Variants in WDR35 observed in about 807,000 individuals in gnomAD.
WDR35 encodes the protein WD repeat domain 35, also known as WD repeat-containing protein 35.
In WDR35, 118 loss-of-function variants were observed where a neutral mutation model predicts 158.3. The observed-to-expected ratio is 0.75, with a 90% CI of 0.64 to 0.87. The LOEUF is 0.87. Among genes scored for constraint, WDR35 ranks in the 40% least tolerant of loss-of-function variants. The pLI, the probability that WDR35 is intolerant of heterozygous loss-of-function variation, is 0.00. For missense variants in WDR35, 1,263 were observed against 1,405.8 expected, an observed-to-expected ratio of 0.90 and a Z score of 1.62; for synonymous variants, 448 against 476.1, an observed-to-expected ratio of 0.94 and a Z score of 0.77.
intron 8 of WDR35, 128 bp downstream of exon 8, chr2:19,973,435 C>T (rs1474888964): frequency 2.9e-6 from 3 of 1,017,022 alleles, no homozygotes; most frequent in Non-Finnish European, 4.3e-6. Context: ...AAGATTTATA[C>T]TATGAAGATG....
Position 19,936,266 on chromosome 2 carries a change from T to C in WDR35, c.2367A>G (p.Glu789=). ...AGTCTCCAATGGCATTGTTGGCTTG[T>C]TCCAGGAGACTGTCATCTGCATCAC... ...GSGDADDSLL[E]QANNAIGDYF... The change falls in exon 20 of 27, where the codon GAA becomes GAG. Residue 789 remains glutamate (E), a synonymous_variant. Transcript: ENST00000281405. 2 of 1,614,062 alleles carry C rather than the reference T, an allele frequency of 1.2e-6. No individual in the cohort carries two copies. The highest frequency in any genetic ancestry group is 1.7e-6 in the Non-Finnish European group (2 of 1,179,940).
In WDR35 at chr2:19,911,673, T is replaced by C. The variant is rs1669839609; in HGVS notation, c.*1885A>G. ...CTTATTAGGCAAAGTTAATAGAGCG[T>C]GTATGTGTGACCACAGATAGAAAGG... is the stretch of plus-strand genomic sequence containing the variant. On this transcript the variant is annotated 3_prime_UTR_variant, in exon 27 of 27. Transcript: ENST00000281405. 6.6e-6 allele frequency: 1 copy of C among 152,216 alleles called. No individual in the cohort carries two copies. Among genetic ancestry groups the C allele is most frequent in the Admixed American group, 6.5e-5 (1 of 15,276 alleles). 9.4% of individuals were successfully genotyped at this position (152,216 alleles called of 1,614,324 possible).
rs752908881 is a variant in WDR35 at position 19,974,489 on chromosome 2, T to C, written c.715A>G (p.Met239Val). 3 of 1,610,494 alleles carry C rather than the reference T, an allele frequency of 1.9e-6. No homozygotes were observed. The highest frequency in any genetic ancestry group is 1.7e-4 in the Middle Eastern group (1 of 6,038). The change falls in exon 7 of 27, where the codon ATG (methionine) becomes GTG (valine). Residue 239 changes from methionine to valine, a missense_variant. Coordinates refer to ENST00000281405, the MANE Select transcript of WDR35 (RefSeq NM_020779.4). ...TTACTTTGGTCATTCTCATGTCTCA[T>C]TATTTGGCATCTTCCATTATCAAAG... ...VCFDNGRCQIMRHENDQNPVL... is the reference protein window; with the variant it reads ...VCFDNGRCQIVRHENDQNPVL...
intron 2 of WDR35, among the ~76,000 whole-genome samples, chr2:19,988,282 A>G (rs1672634411): frequency 6.6e-6 from 1 of 152,208 alleles, no homozygotes; most frequent in African/African-American, 2.4e-5. Context: ...TTTATTATTC[A>G]TACCGCATTC....
Position 19,934,123 on chromosome 2 carries a change from AT to A in WDR35, c.2548-613del, listed in dbSNP as rs935668245. On this transcript the variant is annotated intron_variant, in intron 21 of 26. Coordinates refer to ENST00000281405, the MANE Select transcript of WDR35 (RefSeq NM_020779.4). The surrounding 1 kb of genome is among the most constrained non-coding windows in gnomAD (Gnocchi z 4.6). ...CTGCACTGGCCATTTTCAGAACATC[AT>A]TTTTTTTCTTTCAGAATATCTAATT... 1.6e-4 allele frequency among the ~76,000 whole-genome samples: 23 copies of A among 147,290 alleles called. No homozygotes were observed. Among genetic ancestry groups the A allele is most frequent in the Non-Finnish European group, 1.2e-4 (8 of 66,992 alleles).
intron 9 of WDR35, among the ~76,000 whole-genome samples, chr2:19,968,739 T>G (rs1671936809): frequency 1.3e-5 from 2 of 152,228 alleles, no homozygotes; most frequent in South Asian, 4.1e-4. Context: ...ATATAAGATT[T>G]TTATAACAAA....
At chr2:19,977,260 C>G (rs1672246536) in intron 5 of WDR35, among the ~76,000 whole-genome samples, 1 of 152,200 alleles carries the variant, frequency 6.6e-6, no homozygotes, top group Non-Finnish European at 1.5e-5. Flanking sequence ...TTTTGAGCTG[C>G]AGATATGTAT....
chr2:19,968,497 T>A (rs1292244386), intron 9 of WDR35, among the ~76,000 whole-genome samples: 1 of 152,218 alleles, frequency 6.6e-6, no homozygotes, highest in Non-Finnish European at 1.5e-5. Context: ...ATTTATACTT[T>A]GGGTCACAAT....
chr2:19,942,133 T>C (rs1670898984), intron 16 of WDR35, among the ~76,000 whole-genome samples: 1 of 152,198 alleles, frequency 6.6e-6, no homozygotes, highest in African/African-American at 2.4e-5. Context: ...CATGGCCACA[T>C]TACTATGATC....
chr2:19,931,063 A>T (rs1670509808), intron 24 of WDR35, among the ~76,000 whole-genome samples: 1 of 152,334 alleles, frequency 6.6e-6, no homozygotes, highest in African/African-American at 2.4e-5. Flanking sequence ...AGTATTACAG[A>T]AAAACAATTT....
At chr2:19,976,406 T>C (rs1475105501) in intron 5 of WDR35, among the ~76,000 whole-genome samples, 2 of 152,104 alleles carry the variant, frequency 1.3e-5, no homozygotes, top group Non-Finnish European at 2.9e-5. Flanking sequence ...GCCCCACAAC[T>C]CCATTGAAAC....
chr2:19,981,924 T>A (rs1209717333), intron 3 of WDR35, among the ~76,000 whole-genome samples: 1 of 152,198 alleles, frequency 6.6e-6, no homozygotes, highest in East Asian at 1.9e-4. Flanking sequence ...ACAGCTATTT[T>A]CTTCTAGATT....
chr2:19,914,467 G>C (rs904161204), intron 25 of WDR35, among the ~76,000 whole-genome samples, 190 bp from the exon 26 acceptor site: 12 of 152,176 alleles, frequency 7.9e-5, no homozygotes, highest in African/African-American at 2.9e-4. Flanking sequence ...TGTGAAGCTG[G>C]CTAACAGCTC....
chr2:19,918,266 C>T (rs914890922), intron 25 of WDR35, among the ~76,000 whole-genome samples: 1 of 152,184 alleles, frequency 6.6e-6, no homozygotes. Flanking sequence ...AAGGAACAAC[C>T]AGTACCAGCC....
At chr2:19,986,153 T>G (rs1672559346) in intron 2 of WDR35, among the ~76,000 whole-genome samples, 1 of 152,172 alleles carries the variant, frequency 6.6e-6, no homozygotes, top group African/African-American at 2.4e-5. Flanking sequence ...GATTTCCAGC[T>G]TGAGCAAATG....
At chr2:19,927,973 A>C (rs1281761618) in intron 25 of WDR35, among the ~76,000 whole-genome samples, 1 of 152,202 alleles carries the variant, frequency 6.6e-6, no homozygotes, top group African/African-American at 2.4e-5. Flanking sequence ...GCCTTTATAG[A>C]TTTGCAAATC....
chr2:19,954,017 G>T (rs938014867), intron 11 of WDR35, 39 bp from the exon 12 acceptor site: 4 of 1,612,530 alleles, frequency 2.5e-6, no homozygotes, highest in Middle Eastern at 3.3e-4. Flanking sequence ...CAGTTACACA[G>T]AATTGCAGAA....
At chr2:19,973,736 C>T in intron 7 of WDR35, 28 bp from the exon 8 acceptor site, 1 of 1,602,356 alleles carries the variant, frequency 6.2e-7, no homozygotes, top group East Asian at 2.3e-5. Context: ...AATGAGGTCA[C>T]TGTGGGAAAA....
rs1207905646 is a variant in WDR35 at position 19,945,793 on chromosome 2, T to C, written c.1838A>G (p.Asp613Gly). The change falls in exon 16 of 27, where the codon GAT becomes GGT. Residue 613 changes from aspartate to glycine, a missense_variant. Coordinates refer to ENST00000281405, the MANE Select transcript of WDR35 (RefSeq NM_020779.4). ...KTRMYVFRNL[D>G]PEEPIQTSGY... is the part of the protein sequence containing the mutation. Reference sequence around the variant, plus strand: ...CTCATTTCTTGTTTTTACCTCAGGATCCAAGTTTCTGAAAACATACATTCT... The same window carrying C: ...CTCATTTCTTGTTTTTACCTCAGGACCCAAGTTTCTGAAAACATACATTCT... 1 of 1,613,866 alleles carries C rather than the reference T, an allele frequency of 6.2e-7. No individual in the cohort carries two copies. Among genetic ancestry groups the C allele is most frequent in the Non-Finnish European group, 8.5e-7 (1 of 1,179,792 alleles).
Sources: gnomAD v4.1 joint callset for allele counts (sites outside exome capture counted in the v4.1 genomes callset) on GRCh38, gnomAD v4.1.1 for gene constraint, Gnocchi (gnomAD v3.1) non-coding constraint, MANE v1.5 for transcripts, NCBI Gene and HGNC (gene_info 2026-07-23, HGNC 2026-07-21) for gene names.